The following CADPS2 variants were observed in gnomAD, a reference collection of about 807,000 sequenced individuals.
CADPS2 encodes the protein calcium-dependent secretion activator 2.
In CADPS2, 93 loss-of-function variants were observed where a neutral mutation model predicts 172.5. That is an observed-to-expected ratio of 0.54 (90% CI 0.46 to 0.64). The LOEUF is 0.64. CADPS2 is among the 30% of genes least tolerant of loss of function. The pLI, the probability that CADPS2 is intolerant of heterozygous loss-of-function variation, is 0.00. For synonymous variants in CADPS2, 546 were observed against 555.2 expected, an observed-to-expected ratio of 0.98 and a Z score of 0.23; for missense variants, 1,420 against 1,565.9, an observed-to-expected ratio of 0.91 and a Z score of 1.57.
intron 1 of CADPS2, among the ~76,000 whole-genome samples, chr7:122,849,180 T>C (rs1418239100): frequency 2.6e-5 from 4 of 152,226 alleles, no homozygotes; most frequent in Admixed American, 1.3e-4. Context: ...TTGCCCACTA[T>C]TTTTCATAAA....
intron 1 of CADPS2, among the ~76,000 whole-genome samples, chr7:122,835,554 G>T (rs1051997527): frequency 6.6e-6 from 1 of 152,134 alleles, no homozygotes; most frequent in Non-Finnish European, 1.5e-5. Flanking sequence ...TAGACGAACG[G>T]ATAACTAGAA....
At chr7:122,552,360 G>A (rs186227695) in intron 8 of CADPS2, among the ~76,000 whole-genome samples, 1 of 152,226 alleles carries the variant, frequency 6.6e-6, no homozygotes, top group Admixed American at 6.6e-5. Context: ...ATTGGGCTAT[G>A]AGGCATTTCT....
At chr7:122,504,605 C>A (rs1396336378) in intron 9 of CADPS2, among the ~76,000 whole-genome samples, 1 of 152,086 alleles carries the variant, frequency 6.6e-6, no homozygotes, top group Non-Finnish European at 1.5e-5. Context: ...CTCACTCTGT[C>A]ACCTAGGCTG....
intron 3 of CADPS2, among the ~76,000 whole-genome samples, chr7:122,654,761 C>T (rs956060068): frequency 3.9e-5 from 6 of 152,264 alleles, no homozygotes; most frequent in East Asian, 1.9e-4. Context: ...TTTTGACTTT[C>T]GAGTCTTATT....
Position 122,451,310 on chromosome 7 carries a change from T to G in CADPS2, c.2288+64A>C, listed in dbSNP as rs1000441570. 1.4e-5 allele frequency: 11 copies of G among 789,066 alleles called. No homozygotes were observed. The African/African-American group carries it at 1.5e-4, about 10-fold the overall frequency. 48.9% of individuals were successfully genotyped at this position (789,066 alleles called of 1,614,324 possible). On this transcript the variant is annotated intron_variant, in intron 15 of 29. Transcript: ENST00000449022. ...GTAGAATGATATAATAAACAATTTTTGGGGGAAGTAAGGGTTGAGTAAAGT... is the reference window on the plus strand; with the variant it reads ...GTAGAATGATATAATAAACAATTTTGGGGGGAAGTAAGGGTTGAGTAAAGT...
At chr7:122,373,903 T>A (rs1445608873) in intron 25 of CADPS2, among the ~76,000 whole-genome samples, 13 of 152,148 alleles carry the variant, frequency 8.5e-5, no homozygotes, top group Non-Finnish European at 1.5e-5. Context: ...TCCAAACTTA[T>A]TCTATGAGGC....
At chr7:122,884,843 T>A (rs570772891) in intron 1 of CADPS2, among the ~76,000 whole-genome samples, 1 of 152,332 alleles carries the variant, frequency 6.6e-6, no homozygotes, top group Non-Finnish European at 1.5e-5. Flanking sequence ...AAATAAAGGT[T>A]ATCTAAATGG....
intron 2 of CADPS2, among the ~76,000 whole-genome samples, chr7:122,714,182 T>C (rs373904819): frequency 4.7e-4 from 71 of 152,226 alleles, no homozygotes; most frequent in African/African-American, 1.6e-3. Context: ...TCTAGTAGTT[T>C]CTATTTATTT....
At chr7:122,753,565 GA>G (rs1421026058) in intron 1 of CADPS2, among the ~76,000 whole-genome samples, 1 of 152,148 alleles carries the variant, frequency 6.6e-6, no homozygotes, top group Non-Finnish European at 1.5e-5. Context: ...GATATTTTGG[GA>G]AAAGTACACC....
At chr7:122,420,334 G>GAGT (rs1175594248) in intron 17 of CADPS2, among the ~76,000 whole-genome samples, 1 of 152,138 alleles carries the variant, frequency 6.6e-6, no homozygotes, top group African/African-American at 2.4e-5. Context: ...CAAACTCTGA[G>GAGT]AGTACCCTGT....
At chr7:122,494,863 T>TTTTTTTGCTCC (rs2058607905) in intron 9 of CADPS2, among the ~76,000 whole-genome samples, 1 of 151,646 alleles carries the variant, frequency 6.6e-6, no homozygotes, top group African/African-American at 2.4e-5. Context: ...CAAATGAAAG[T>TTTTTTTGCTCC]CAGTTGCTCC....
intron 6 of CADPS2, among the ~76,000 whole-genome samples, chr7:122,609,337 G>A (rs2074002635): frequency 6.6e-6 from 1 of 152,006 alleles, no homozygotes; most frequent in African/African-American, 2.4e-5. Context: ...ATCATTAAGG[G>A]TATGCACTAA....
At chr7:122,506,935 A>G (rs970151842) in intron 9 of CADPS2, among the ~76,000 whole-genome samples, 2 of 152,018 alleles carry the variant, frequency 1.3e-5, no homozygotes, top group African/African-American at 4.8e-5. Context: ...ATTTGCATAT[A>G]TTTATTTACT....
In CADPS2 at chr7:122,387,139, C is replaced by T; in HGVS notation, c.3199G>A (p.Ala1067Thr). The T allele has an allele frequency of 6.3e-7, 1 of 1,580,210 alleles. No homozygotes were observed. The highest frequency in any genetic ancestry group is 8.6e-7 in the Non-Finnish European group (1 of 1,160,844). The change falls in exon 24 of 30, where the codon GCA becomes ACA. Residue 1067 changes from alanine (A) to threonine (T), a missense_variant. Ala to Thr is a moderately conservative substitution (Grantham distance 58). Coordinates refer to ENST00000449022, the MANE Select transcript of CADPS2 (RefSeq NM_017954.11). Reference protein sequence around the residue: ...RTAFELKLQKASKTTDLRIPA... With the variant: ...RTAFELKLQKTSKTTDLRIPA... ...ATGCGCAAGTCAGTTGTTTTGCTTG[C>T]CTTTTGTAGCTTGAGTTCAAATGCA...
rs999384018 is a variant in CADPS2 at position 122,681,482 on chromosome 7, A to G, written c.454-17913T>C. The G allele has an allele frequency of 5.3e-6, 8 of 1,515,024 alleles. No homozygotes were observed. In the East Asian group the frequency reaches 6.7e-5, roughly 13 times the overall value. The allele number at this position is 1,515,024 out of a possible 1,614,324, so 93.8% of individuals were successfully genotyped here. A position where few individuals can be genotyped will look rare whatever the true frequency, so the allele number is the denominator to read the frequency against. ...TAGCAGTCAGGGACATTTCTGAAGC[A>G]AGCGTCTTCGATGCCTATGTGCTTC... On this transcript the variant is annotated intron_variant, in intron 2 of 29. Transcript: ENST00000449022.
At chr7:122,329,774 C>T (rs1417302608) in intron 28 of CADPS2, among the ~76,000 whole-genome samples, 1 of 152,120 alleles carries the variant, frequency 6.6e-6, no homozygotes. Flanking sequence ...GGTCTCAATA[C>T]ATACTAATGC....
intron 22 of CADPS2, among the ~76,000 whole-genome samples, chr7:122,392,026 T>C (rs908390698): frequency 6.6e-6 from 1 of 152,136 alleles, no homozygotes; most frequent in Non-Finnish European, 1.5e-5. Context: ...GAGGTTGTTA[T>C]AAAGATTAAA....
At chr7:122,374,364 T>C (rs75558169) in intron 25 of CADPS2, among the ~76,000 whole-genome samples, 2,317 of 152,120 alleles carry the variant, frequency 0.015, 30 homozygotes, top group Non-Finnish European at 0.024. Flanking sequence ...CACTTACCAC[T>C]TCTATTCAAC....
intron 2 of CADPS2, among the ~76,000 whole-genome samples, chr7:122,713,776 T>C (rs912396349): frequency 1.3e-5 from 2 of 152,082 alleles, no homozygotes; most frequent in Non-Finnish European, 2.9e-5. Context: ...TATTTCATGA[T>C]TCATAGAAGA....
Sources: gnomAD v4.1 joint callset for allele counts (sites outside exome capture counted in the v4.1 genomes callset) on GRCh38, gnomAD v4.1.1 for gene constraint, MANE v1.5 for transcripts, NCBI Gene and HGNC (gene_info 2026-07-23, HGNC 2026-07-21) for gene names.